Variants in EPHA6 observed in about 807,000 individuals in gnomAD.
EPHA6 encodes EPH receptor A6, also known as ephrin type-A receptor 6.
In EPHA6, 50 loss-of-function variants were observed where a neutral mutation model predicts 112.0. That is an observed-to-expected ratio of 0.45 (90% CI 0.36 to 0.56). The LOEUF (loss-of-function observed/expected upper bound fraction) is 0.56, where lower values mean the gene tolerates loss of function less well. Among genes scored for constraint, EPHA6 ranks in the 20% least tolerant of loss-of-function variants. EPHA6 has a pLI of 0.00. For missense variants in EPHA6, 1,280 were observed against 1,417.4 expected (o/e 0.90, Z 1.56); for synonymous variants, 529 against 490.7 (o/e 1.08, Z -1.03).
intron 3 of EPHA6, among the ~76,000 whole-genome samples, chr3:97,194,640 A>G (rs1038273824): frequency 1.3e-5 from 2 of 151,140 alleles, no homozygotes; most frequent in Non-Finnish European, 2.9e-5. Flanking sequence ...TGTCTGGAAG[A>G]TCTGTCCAAT....
In EPHA6 at chr3:97,363,224, ATATATATATATAT is replaced by A. The variant is rs1309677650; in HGVS notation, c.1607-41925_1607-41913del. ...TATATATATATATATATATATATAT[ATATATATATATAT>A]AAATCTCAGATGCTACAAAAACTAA... On this transcript the variant is annotated intron_variant, in intron 5 of 17. Coordinates refer to ENST00000389672, the MANE Select transcript of EPHA6 (RefSeq NM_001080448.3). Among the ~76,000 whole-genome samples, 65 of 59,710 alleles carry A rather than the reference ATATATATATATAT, an allele frequency of 1.1e-3. 1 individual carries two copies. Among genetic ancestry groups the A allele is most frequent in the Non-Finnish European group, 1.7e-3 (54 of 32,426 alleles). The allele number at this position is 59,710 out of a possible 152,430, so 39.2% of individuals were successfully genotyped here.
At chr3:97,321,525 A>G (rs2082118383) in intron 5 of EPHA6, among the ~76,000 whole-genome samples, 1 of 152,002 alleles carries the variant, frequency 6.6e-6, no homozygotes, top group Admixed American at 6.6e-5. Flanking sequence ...AAATTTTCAA[A>G]CTAGAGTCTT....
intron 3 of EPHA6, among the ~76,000 whole-genome samples, chr3:97,075,572 A>G (rs2046490495): frequency 6.6e-6 from 1 of 152,082 alleles, no homozygotes; most frequent in African/African-American, 2.4e-5. Context: ...AGTTTACATG[A>G]CACCATGTAT....
chr3:96,912,039 G>A (rs1300234368), intron 2 of EPHA6, among the ~76,000 whole-genome samples: 2 of 152,002 alleles, frequency 1.3e-5, no homozygotes, highest in Admixed American at 6.6e-5. Context: ...TTTTGATTGG[G>A]ATGGGGCATA....
chr3:97,522,585 C>G (rs560451611), intron 10 of EPHA6, among the ~76,000 whole-genome samples: 6 of 152,162 alleles, frequency 3.9e-5, no homozygotes, highest in African/African-American at 1.4e-4. Context: ...GAAGTATTCT[C>G]TCTTCTTCAA....
intron 1 of EPHA6, among the ~76,000 whole-genome samples, chr3:96,832,918 T>A (rs1444566313): frequency 6.6e-6 from 1 of 151,924 alleles, no homozygotes; most frequent in Non-Finnish European, 1.5e-5. Context: ...AGTAGTTTAG[T>A]ATATTTATGT....
intron 5 of EPHA6, among the ~76,000 whole-genome samples, chr3:97,390,277 T>C (rs1278692384): frequency 6.6e-6 from 1 of 152,064 alleles, no homozygotes; most frequent in African/African-American, 2.4e-5. Flanking sequence ...AAAGCAGTTT[T>C]GCAGCCCCAT....
Position 97,563,066 on chromosome 3 carries a change from G to A in EPHA6, c.2387-29546G>A, listed in dbSNP as rs961408993. ...CTTGGAAACCAAAAAAAATTCATTCGACTTGCTTTATTGCAATATTTACTT... is the reference window on the plus strand; with the variant it reads ...CTTGGAAACCAAAAAAAATTCATTCAACTTGCTTTATTGCAATATTTACTT... On this transcript the variant is annotated intron_variant, in intron 11 of 17. Coordinates refer to ENST00000389672, the MANE Select transcript of EPHA6 (RefSeq NM_001080448.3). Among the ~76,000 whole-genome samples the A allele has an allele frequency of 4.6e-5, 7 of 152,136 alleles. No individual in the cohort carries two copies. In the East Asian group the frequency reaches 1.2e-3, roughly 25 times the overall value.
chr3:97,085,121 C>T lies in EPHA6; in HGVS notation c.1114+97128C>T, dbSNP rs576512311. Among the ~76,000 whole-genome samples the T allele has an allele frequency of 5.3e-4, 81 of 151,980 alleles. 1 individual carries two copies. The highest frequency in any genetic ancestry group is 1.0e-3 in the Non-Finnish European group (70 of 67,966). ...ATTACATCAAATAACAATTTATAAC[C>T]GGATACTGTGCTTAGCTTAATATCA... On this transcript the variant is annotated intron_variant, in intron 3 of 17. Transcript: ENST00000389672.
chr3:97,341,935 T>G (rs969192762), intron 5 of EPHA6, among the ~76,000 whole-genome samples: 8 of 152,248 alleles, frequency 5.3e-5, no homozygotes, highest in African/African-American at 1.9e-4. Flanking sequence ...TTGTGAAGAA[T>G]GAAGCATTGT....
At chr3:96,963,861 ATTC>A (rs2042031420) in intron 2 of EPHA6, among the ~76,000 whole-genome samples, 1 of 152,178 alleles carries the variant, frequency 6.6e-6, no homozygotes, top group Non-Finnish European at 1.5e-5. Context: ...CTATAAACCT[ATTC>A]TTCAATTTGC....
chr3:97,209,094 T>C (rs2077795317), intron 3 of EPHA6, among the ~76,000 whole-genome samples: 1 of 152,210 alleles, frequency 6.6e-6, no homozygotes, highest in African/African-American at 2.4e-5. Flanking sequence ...TTTGCACCTC[T>C]GCTTTGTCTG....
intron 3 of EPHA6, among the ~76,000 whole-genome samples, chr3:97,189,822 C>T (rs1156330612): frequency 1.3e-5 from 2 of 152,078 alleles, no homozygotes; most frequent in Non-Finnish European, 1.5e-5. Flanking sequence ...ACCATTTCTA[C>T]TTGTATAACA....
intron 3 of EPHA6, among the ~76,000 whole-genome samples, chr3:97,213,638 G>T (rs2077941672): frequency 6.6e-6 from 1 of 151,798 alleles, no homozygotes; most frequent in Admixed American, 6.6e-5. Context: ...AGATGAATGA[G>T]AACAATGGTA....
intron 11 of EPHA6, among the ~76,000 whole-genome samples, chr3:97,555,897 A>G (rs1204655684): frequency 6.6e-6 from 1 of 151,960 alleles, no homozygotes; most frequent in African/African-American, 2.4e-5. Flanking sequence ...CTCTGATGGT[A>G]GTTTCTTTTG....
At chr3:96,833,901 A>G (rs1195728798) in intron 1 of EPHA6, among the ~76,000 whole-genome samples, 1 of 152,058 alleles carries the variant, frequency 6.6e-6, no homozygotes, top group African/African-American at 2.4e-5. Context: ...ATAAATATAT[A>G]CAAGTATTAT....
intron 3 of EPHA6, among the ~76,000 whole-genome samples, chr3:97,225,848 G>T (rs1413043172): frequency 6.6e-6 from 1 of 152,146 alleles, no homozygotes; most frequent in Admixed American, 6.5e-5. Flanking sequence ...AAGAACTGAA[G>T]GGAAAATAGA....
At chr3:97,288,908 C>G (rs923443057) in intron 5 of EPHA6, among the ~76,000 whole-genome samples, 1 of 142,200 alleles carries the variant, frequency 7.0e-6, no homozygotes, top group African/African-American at 2.6e-5. Flanking sequence ...TATCTTTTGC[C>G]CACTTTTTAA....
intron 5 of EPHA6, among the ~76,000 whole-genome samples, chr3:97,244,876 G>T (rs2078942257): frequency 6.6e-6 from 1 of 151,888 alleles, no homozygotes; most frequent in South Asian, 2.1e-4. Context: ...TAACATCATA[G>T]ATTTTTACTA....
Sources: allele counts gnomAD v4.1 joint callset (sites outside exome capture counted in the v4.1 genomes callset), GRCh38; gene constraint gnomAD v4.1.1; transcripts MANE v1.5; gene names NCBI Gene and HGNC (gene_info 2026-07-23, HGNC 2026-07-21).